Variants in CRB1 observed in about 807,000 individuals in gnomAD.
CRB1 encodes the protein protein crumbs homolog 1.
Under a neutral mutation model 120.0 loss-of-function variants are expected in CRB1, and 83 were observed. That is an observed-to-expected ratio of 0.69 (90% CI 0.58 to 0.83). The LOEUF (loss-of-function observed/expected upper bound fraction) is 0.83. CRB1 is among the 40% of genes least tolerant of loss of function. The pLI is 0.00. For missense variants in CRB1, 1,699 were observed against 1,687.6 expected, an observed-to-expected ratio of 1.01 and a Z score of -0.12; for synonymous variants, 625 against 612.5, an observed-to-expected ratio of 1.02 and a Z score of -0.30.
intron 1 of CRB1, among the ~76,000 whole-genome samples, chr1:197,287,267 A>G (rs981988679): frequency 6.6e-6 from 1 of 151,864 alleles, no homozygotes; most frequent in Non-Finnish European, 1.5e-5. Flanking sequence ...GAACTGCAAA[A>G]TAGTTTCACC....
At chr1:197,419,251 C>A (rs1268657026) in intron 5 of CRB1, among the ~76,000 whole-genome samples, 2 of 152,044 alleles carry the variant, frequency 1.3e-5, no homozygotes, top group African/African-American at 4.8e-5. Flanking sequence ...TTTTTAAAAA[C>A]ACACATTTGG....
intron 1 of CRB1, among the ~76,000 whole-genome samples, chr1:197,269,204 T>A (rs1654770716): frequency 1.3e-5 from 2 of 151,830 alleles, no homozygotes; most frequent in Non-Finnish European, 2.9e-5. Flanking sequence ...ACAGGGAGAG[T>A]GTGTGCTTGT....
chr1:197,282,428 G>T (rs1655574886), intron 1 of CRB1, among the ~76,000 whole-genome samples: 1 of 151,804 alleles, frequency 6.6e-6, no homozygotes, highest in South Asian at 2.1e-4. Flanking sequence ...TCTTCTAGGA[G>T]AAATAGTTGA....
intron 1 of CRB1, among the ~76,000 whole-genome samples, chr1:197,283,856 T>C (rs473663): frequency 0.012 from 1,848 of 151,714 alleles, 42 homozygotes; most frequent in African/African-American, 0.042. Flanking sequence ...ATTCAAACAA[T>C]AAATTTTAAG....
At chr1:197,369,000 C>A (rs1459289180) in intron 5 of CRB1, among the ~76,000 whole-genome samples, 1 of 152,138 alleles carries the variant, frequency 6.6e-6, no homozygotes, top group African/African-American at 2.4e-5. Flanking sequence ...AATAGCCAAA[C>A]GTTTGTTAGA....
intron 2 of CRB1, among the ~76,000 whole-genome samples, chr1:197,333,260 C>T (rs1443100298): frequency 1.3e-5 from 2 of 152,216 alleles, no homozygotes; most frequent in Admixed American, 6.5e-5. Flanking sequence ...GATTCATGAA[C>T]TACAGAAATG....
At chr1:197,425,968 A>G (rs537776518) in intron 6 of CRB1, among the ~76,000 whole-genome samples, 1 of 151,738 alleles carries the variant, frequency 6.6e-6, no homozygotes, top group Non-Finnish European at 1.5e-5. Flanking sequence ...AACAAATCCC[A>G]CATTATCAGA....
chr1:197,213,248 A>T, the CRB1 span, among the ~76,000 whole-genome samples: 3 of 152,204 alleles, frequency 2.0e-5, no homozygotes, highest in African/African-American at 7.2e-5. Context: ...ATACAACAAA[A>T]TGTTTTTAAA....
chr1:197,421,488 G>T lies in CRB1; in HGVS notation c.1660G>T (p.Val554Leu), dbSNP rs772386716. The change falls in exon 6 of 12, where the codon GTG becomes TTG. Residue 554 changes from valine to leucine, a missense_variant. By Grantham distance (32) the Val-to-Leu change is conservative. Transcript: ENST00000367400. ...AATTCAGGTCAATAATCAGTCAAAGGTGCTTCTGTTCATTTCCCACAACAC... is the reference window on the plus strand; with the variant it reads ...AATTCAGGTCAATAATCAGTCAAAGTTGCTTCTGTTCATTTCCCACAACAC... ...LSIQVNNQSK[V>L]LLFISHNTSD... 4.3e-6 allele frequency: 7 copies of T among 1,614,110 alleles called. No individual in the cohort carries two copies. In the Admixed American group the frequency reaches 6.7e-5, roughly 15 times the overall value.
At chr1:197,237,050 A>G in the CRB1 span, among the ~76,000 whole-genome samples, 969 of 152,024 alleles carry the variant, frequency 6.4e-3, 9 homozygotes, top group African/African-American at 0.022. Flanking sequence ...GAGTCTGCAA[A>G]TATTCTCTTT....
chr1:197,418,480 C>T (rs1331776608), intron 5 of CRB1, among the ~76,000 whole-genome samples: 5 of 152,262 alleles, frequency 3.3e-5, no homozygotes, highest in East Asian at 1.9e-4. Flanking sequence ...AATATGTCCA[C>T]GGTTTTCACA....
the CRB1 span, among the ~76,000 whole-genome samples, chr1:197,214,682 T>G: frequency 6.6e-6 from 1 of 152,174 alleles, no homozygotes; most frequent in African/African-American, 2.4e-5. Flanking sequence ...GTTGAATTAG[T>G]AATGAAAAAC....
chr1:197,318,433 A>G (rs1331682013), intron 1 of CRB1, among the ~76,000 whole-genome samples: 1 of 152,202 alleles, frequency 6.6e-6, no homozygotes, highest in Non-Finnish European at 1.5e-5. Context: ...GAAAATATTA[A>G]TAGTTTAGAG....
chr1:197,477,027 G>A (rs910319135), intron 11 of CRB1, among the ~76,000 whole-genome samples: 1 of 152,154 alleles, frequency 6.6e-6, no homozygotes, highest in African/African-American at 2.4e-5. Flanking sequence ...CTTTGACAGG[G>A]CTCTACCTGC....
intron 1 of CRB1, among the ~76,000 whole-genome samples, chr1:197,296,750 A>T (rs1656545154): frequency 6.6e-6 from 1 of 152,024 alleles, no homozygotes; most frequent in African/African-American, 2.4e-5. Flanking sequence ...TCATAGAGGC[A>T]GTTCCCCCAT....
At chr1:197,475,354 T>C (rs1267558552) in intron 11 of CRB1, among the ~76,000 whole-genome samples, 1 of 152,144 alleles carries the variant, frequency 6.6e-6, no homozygotes, top group African/African-American at 2.4e-5. Flanking sequence ...TCATCTAATG[T>C]GGTATCAACA....
At chr1:197,302,394 A>C (rs1382042297) in intron 1 of CRB1, among the ~76,000 whole-genome samples, 4 of 152,246 alleles carry the variant, frequency 2.6e-5, no homozygotes, top group African/African-American at 9.6e-5. Flanking sequence ...TAGGAAACCA[A>C]AAATATTGTG....
At chr1:197,423,902 A>T (rs1459267854) in intron 6 of CRB1, among the ~76,000 whole-genome samples, 1 of 152,174 alleles carries the variant, frequency 6.6e-6, no homozygotes, top group African/African-American at 2.4e-5. Context: ...GGATTTAACT[A>T]AGCTTAGGTC....
intron 1 of CRB1, among the ~76,000 whole-genome samples, chr1:197,270,924 G>A (rs957435453): frequency 3.9e-5 from 6 of 152,186 alleles, no homozygotes; most frequent in African/African-American, 1.2e-4. Context: ...CCATTATCCA[G>A]GTATGGTGGC....
Sources: gnomAD v4.1 joint callset for allele counts (sites outside exome capture counted in the v4.1 genomes callset) on GRCh38, gnomAD v4.1.1 for gene constraint, MANE v1.5 for transcripts, NCBI Gene and HGNC (gene_info 2026-07-23, HGNC 2026-07-21) for gene names.